Variants in CMC2 observed in about 807,000 individuals in gnomAD.
The protein encoded by CMC2 is COX assembly mitochondrial protein 2 homolog.
Under a neutral mutation model 7.5 loss-of-function variants are expected in CMC2, and 5 were observed. The ratio of observed to expected loss-of-function variants is 0.66; its 90% CI spans 0.35 to 1.40. The LOEUF is 1.40. CMC2 is among the 40% of genes most tolerant of loss of function. The pLI is 0.04. For missense variants in CMC2, 115 were observed against 92.3 expected, an observed-to-expected ratio of 1.25 and a Z score of -1.01; for synonymous variants, 37 against 31.4, an observed-to-expected ratio of 1.18 and a Z score of -0.60.
At chr16:80,979,617 A>ATT (rs201345040) in intron 3 of CMC2, among the ~76,000 whole-genome samples, 5 of 140,702 alleles carry the variant, frequency 3.6e-5, no homozygotes, top group African/African-American at 1.3e-4. Flanking sequence ...TTTTTATTTT[A>ATT]TTTTTTTTTA....
At position 80,975,832 on chromosome 16, in the gene CMC2, G is replaced by C. The variant is rs1597204757; in HGVS notation, c.*261C>G. 1.1e-5 allele frequency: 3 copies of C among 284,514 alleles called. No individual in the cohort carries two copies. The East Asian group carries it at 2.0e-4, about 19-fold the overall frequency. 17.6% of individuals were successfully genotyped at this position (284,514 alleles called of 1,614,324 possible). ...TAAATTATTTTATTGAAGGAGATAA[G>C]TTACTCAGATATTAACTGGTTGTAG... On this transcript the variant is annotated 3_prime_UTR_variant, in exon 4 of 4. Coordinates refer to ENST00000219400, the MANE Select transcript of CMC2 (RefSeq NM_020188.5).
At chr16:80,990,272 G>A (rs1235017106) in intron 2 of CMC2, among the ~76,000 whole-genome samples, 1 of 152,136 alleles carries the variant, frequency 6.6e-6, no homozygotes, top group Admixed American at 6.5e-5. Flanking sequence ...CCAGGTTCAA[G>A]TGATTCTCCT....
Position 80,969,805 on chromosome 16 carries a change from A to T in CMC2, c.*6288T>A, listed in dbSNP as rs1468078471. 1.4e-5 allele frequency: 2 copies of T among 138,826 alleles called. No homozygotes were observed. The highest frequency in any genetic ancestry group is 3.0e-5 in the Non-Finnish European group (2 of 66,674). 8.6% of individuals were successfully genotyped at this position (138,826 alleles called of 1,614,324 possible). On this transcript the variant is annotated 3_prime_UTR_variant, in exon 4 of 4. Transcript: ENST00000219400. ...CTTGGGAGGCTGAGGCACAAGAATC[A>T]CTTGAACCCAGGCAGCAAGGTTGCA... is the stretch of plus-strand genomic sequence containing the variant.
chr16:80,988,773 T>G lies in CMC2; in HGVS notation c.82-6896A>C, dbSNP rs141195074. 9.9e-5 allele frequency among the ~76,000 whole-genome samples: 15 copies of G among 151,984 alleles called. 1 individual carries two copies. The highest frequency in any genetic ancestry group is 2.9e-4 in the African/African-American group (12 of 41,520). ...TGGGTTTTTTTTCCCGATCCAGGAT[T>G]GCCATTGCATTTAGTTGTCACGTCT... is the stretch of plus-strand genomic sequence containing the variant. On this transcript the variant is annotated intron_variant, in intron 2 of 3. Coordinates refer to ENST00000219400, the MANE Select transcript of CMC2 (RefSeq NM_020188.5).
chr16:80,997,363 G>C lies in CMC2; in HGVS notation c.32C>G (p.Thr11Ser), dbSNP rs2303217. The change falls in exon 2 of 4, where the codon ACT becomes AGT. Residue 11 changes from threonine to serine, a missense_variant. By Grantham distance (58) the Thr-to-Ser change is moderately conservative. Transcript: ENST00000219400. MHPDLSPHLHTEECNVLINLL... is the reference protein window; with the variant it reads MHPDLSPHLHSEECNVLINLL... ...GTTAATCAAGACGTTGCATTCTTCA[G>C]TGTGCAAGTGTGGAGATAAGTCAGG... 2.7e-4 allele frequency: 426 copies of C among 1,607,360 alleles called. 2 individuals are homozygous for C. The East Asian group carries it at 8.7e-3, about 33-fold the overall frequency.
intron 1 of CMC2, among the ~76,000 whole-genome samples, chr16:81,006,022 A>C (rs2602421): frequency 6.6e-6 from 1 of 152,166 alleles, no homozygotes; most frequent in African/African-American, 2.4e-5. Flanking sequence ...CATACATATA[A>C]AGGAGAGGAG....
intron 2 of CMC2, among the ~76,000 whole-genome samples, chr16:80,986,145 T>C (rs923687548): frequency 3.3e-5 from 5 of 152,140 alleles, no homozygotes; most frequent in Non-Finnish European, 7.4e-5. Flanking sequence ...GTCAGGAGTT[T>C]GAGGCCAGCC....
chr16:80,984,161 C>G (rs1042356688), intron 2 of CMC2: 1 of 152,124 alleles, frequency 6.6e-6, no homozygotes, highest in Non-Finnish European at 1.5e-5. Flanking sequence ...AGTATGCGTG[C>G]TCTAAAGCAG....
chr16:81,001,651 A>G (rs964672888), intron 1 of CMC2, among the ~76,000 whole-genome samples: 1 of 152,186 alleles, frequency 6.6e-6, no homozygotes, highest in Non-Finnish European at 1.5e-5. Context: ...TGCGAATTTT[A>G]TGGTATGTAA....
intron 2 of CMC2, 125 bp downstream of exon 2, chr16:80,997,189 T>A (rs750226782): frequency 1.5e-6 from 1 of 669,856 alleles, no homozygotes; most frequent in Non-Finnish European, 2.7e-6. Context: ...CTGCTAATCT[T>A]GACTAAACTC....
intron 3 of CMC2, among the ~76,000 whole-genome samples, chr16:80,979,307 G>C (rs572656353): frequency 9.2e-5 from 14 of 152,172 alleles, no homozygotes; most frequent in African/African-American, 3.4e-4. Flanking sequence ...AGAGGACTTA[G>C]AAAAGAATTC....
chr16:80,978,228 G>C (rs558162848), intron 3 of CMC2: 457 of 1,037,166 alleles, frequency 4.4e-4, no homozygotes, highest in Non-Finnish European at 5.1e-4. Flanking sequence ...CTGAGAAAAA[G>C]CTTTCATATC....
At chr16:80,979,491 T>A (rs1966947755) in intron 3 of CMC2, among the ~76,000 whole-genome samples, 1 of 151,924 alleles carries the variant, frequency 6.6e-6, no homozygotes, top group Non-Finnish European at 1.5e-5. Context: ...AGGAAAAAAA[T>A]TTAAAAACAT....
In CMC2 at chr16:81,001,673, A is replaced by T. The variant is rs1968878893; in HGVS notation, c.-35-4244T>A. Among the ~76,000 whole-genome samples the T allele has an allele frequency of 1.3e-5, 2 of 152,186 alleles. 1 individual carries two copies. Among genetic ancestry groups the T allele is most frequent in the South Asian group, 4.1e-4 (2 of 4,826 alleles). On this transcript the variant is annotated intron_variant, in intron 1 of 3. Transcript: ENST00000219400. ...TTTATGGTATGTAAATTATACCTCA[A>T]GCTGTTAAAAAAAAACCTGTGAGAA...
chr16:81,003,660 T>C (rs1597282071), intron 1 of CMC2, among the ~76,000 whole-genome samples: 2 of 152,316 alleles, frequency 1.3e-5, no homozygotes, highest in Middle Eastern at 6.8e-3. Context: ...ATGGAAAAAC[T>C]ATTTCCCAAA....
intron 1 of CMC2, among the ~76,000 whole-genome samples, chr16:81,005,983 T>C (rs1183305510): frequency 6.6e-6 from 1 of 152,190 alleles, no homozygotes; most frequent in Non-Finnish European, 1.5e-5. Context: ...AAGAAACTCA[T>C]TTTAAATCAA....
At chr16:80,985,901 C>CAAAAAAAAAAAAAA (rs57915291) in intron 2 of CMC2, among the ~76,000 whole-genome samples, 5 of 104,990 alleles carry the variant, frequency 4.8e-5, no homozygotes, top group South Asian at 4.3e-4. Context: ...CATATACCTG[C>CAAAAAAAAAAAAAA]AAAAAAAAAA....
chr16:80,992,024 A>G (rs1441926359), intron 2 of CMC2: 13 of 438,446 alleles, frequency 3.0e-5, no homozygotes, highest in Non-Finnish European at 5.5e-5. Context: ...TGGACTTTAA[A>G]TAACGATCAT....
rs1912040156 is a variant in CMC2, at chr16:80,973,046, C to T, written c.*3047G>A. The T allele has an allele frequency of 1.3e-5, 2 of 152,312 alleles. No individual in the cohort carries two copies. The highest frequency in any genetic ancestry group is 2.9e-5 in the Non-Finnish European group (2 of 68,102). 9.4% of individuals were successfully genotyped at this position (152,312 alleles called of 1,614,324 possible). On this transcript the variant is annotated 3_prime_UTR_variant, in exon 4 of 4. Transcript: ENST00000219400. ...TTGGAAATCCTCAGGAAAAAGTGCG[C>T]TTGCTCTAGACAGGAGAAACAGATT...
Sources: gnomAD v4.1 joint callset for allele counts (sites outside exome capture counted in the v4.1 genomes callset) on GRCh38, gnomAD v4.1.1 for gene constraint, MANE v1.5 for transcripts, NCBI Gene and HGNC (gene_info 2026-07-23, HGNC 2026-07-21) for gene names.